Variants in ADGRG1 observed in about 807,000 individuals in gnomAD.
ADGRG1 encodes the protein 7-transmembrane protein with no EGF-like N-terminal domains-1.
A neutral mutation model predicts 73.5 loss-of-function variants in ADGRG1; 53 were observed. The ratio of observed to expected loss-of-function variants is 0.72; its 90% CI spans 0.58 to 0.91. ADGRG1 has a LOEUF of 0.91. ADGRG1 is among the 40% of genes least tolerant of loss of function. The pLI is 0.00. For missense variants in ADGRG1, 795 were observed against 871.8 expected (o/e 0.91, Z 1.11); for synonymous variants, 394 against 374.4 (o/e 1.05, Z -0.60).
In ADGRG1 at chr16:57,656,268, A is replaced by G. The variant is rs761718726; in HGVS notation, c.1060A>G (p.Thr354Ala). ...LQCVFWVEDP[T>A]LSSPGHWSSA... is the part of the protein sequence containing the mutation. ...ATGTGTGTTCTGGGTTGAAGACCCC[A>G]CATGTGAGTATGCAGGGGTCTCTGG... The change falls in exon 8 of 14, where the codon ACA (threonine) becomes GCA (alanine). Residue 354 changes from threonine to alanine, a missense_variant. By Grantham distance (58) the Thr-to-Ala change is moderately conservative (BLOSUM62 0). Transcript: ENST00000562631. The G allele has an allele frequency of 6.2e-7, 1 of 1,604,396 alleles. No individual in the cohort carries two copies. The highest frequency in any genetic ancestry group is 8.5e-7 in the Non-Finnish European group (1 of 1,174,694).
rs534576292 is a variant in ADGRG1, at chr16:57,655,759, G to A, written c.901-117G>A. The A allele has an allele frequency of 1.9e-5, 30 of 1,609,404 alleles. No homozygotes were observed. In the East Asian group the frequency reaches 6.2e-4, roughly 33 times the overall value. On this transcript the variant is annotated intron_variant, in intron 6 of 13. Transcript: ENST00000562631. ...AAAAGTGGTTCCAGAGGGAGACGCA[G>A]CATCTCAAGGCAATGTGCTGGGAGA...
chr16:57,651,111 T>A lies in ADGRG1; in HGVS notation c.65-89T>A, dbSNP rs776467281. On this transcript the variant is annotated intron_variant, in intron 2 of 13. Coordinates refer to ENST00000562631, the MANE Select transcript of ADGRG1 (RefSeq NM_201525.4). ...TGTGTGTGAATCTCAGGCTCCAGGTTCACATGTACTCAGCCTAGGTCCTGT... is the reference window on the plus strand; with the variant it reads ...TGTGTGTGAATCTCAGGCTCCAGGTACACATGTACTCAGCCTAGGTCCTGT... 18 of 1,604,588 alleles carry A rather than the reference T, an allele frequency of 1.1e-5. No homozygotes were observed. In the South Asian group the frequency reaches 2.0e-4, roughly 18 times the overall value.
intron 1 of ADGRG1, chr16:57,631,979 C>T (rs1167010977): frequency 1.0e-6 from 1 of 985,252 alleles, no homozygotes; most frequent in East Asian, 1.1e-4. Flanking sequence ...AGGAGGTCAG[C>T]TAAGCCCCAA....
chr16:57,659,886 A>T (rs1045355315), intron 11 of ADGRG1, among the ~76,000 whole-genome samples: 4 of 152,132 alleles, frequency 2.6e-5, no homozygotes, highest in Non-Finnish European at 2.9e-5. Flanking sequence ...AACACTTCCA[A>T]ATTCTCCACA....
chr16:57,635,262 C>A, intron 1 of ADGRG1: 2 of 985,050 alleles, frequency 2.0e-6, no homozygotes, highest in Non-Finnish European at 2.4e-6. Context: ...GCACAGCTTC[C>A]TCAAAGCTGT....
At chr16:57,651,899 C>T (rs2044194417) in intron 3 of ADGRG1, 8 of 1,397,662 alleles carry the variant, frequency 5.7e-6, no homozygotes, top group Non-Finnish European at 7.4e-6. Context: ...CGTCCTGAGG[C>T]TGCAGAGAAG....
chr16:57,624,114 A>C, upstream of ADGRG1: 1 of 669,940 alleles, frequency 1.5e-6, no homozygotes, highest in Non-Finnish European at 1.8e-6. Flanking sequence ...TTGAGCACCT[A>C]CTGTGTGCCT....
chr16:57,621,732 C>G (rs1314905680), intron 2 of ADGRG1: 6 of 345,430 alleles, frequency 1.7e-5, no homozygotes, highest in African/African-American at 1.3e-4. Context: ...CACCTGACAC[C>G]AGGCCTGGCA....
chr16:57,646,821 G>A (rs1353400238), intron 1 of ADGRG1: 1 of 826,888 alleles, frequency 1.2e-6, no homozygotes, highest in South Asian at 5.5e-5. Flanking sequence ...AGGGTTTGGT[G>A]TGATAACGTG....
Position 57,651,619 on chromosome 16 carries a change from C to A in ADGRG1, c.484C>A (p.His162Asn). 6.2e-7 allele frequency: 1 copy of A among 1,613,530 alleles called. No homozygotes were observed. Among genetic ancestry groups the A allele is most frequent in the Non-Finnish European group, 8.5e-7 (1 of 1,179,942 alleles). Reference protein sequence around the residue: ...PSAASFTFSFHSPPHTAAHNA... With the variant: ...PSAASFTFSFNSPPHTAAHNA... ...TGCCGCCAGCTTCACCTTCTCCTTC[C>A]ACAGTAAGGCAACTTCCAGGCGGAG... The change falls in exon 3 of 14, where the codon CAC (histidine) becomes AAC (asparagine). Residue 162 changes from histidine to asparagine, a missense_variant. Coordinates refer to ENST00000562631, the MANE Select transcript of ADGRG1 (RefSeq NM_201525.4).
rs575304745 is a variant in ADGRG1 at position 57,645,115 on chromosome 16, C to T, written c.-35-5138C>T. ...TCGCAGGAGTTCATCCTCACCCTGC[C>T]GCCCGACCCCCTGGGCCAAATCCTT... On this transcript the variant is annotated intron_variant, in intron 1 of 13. Coordinates refer to ENST00000562631, the MANE Select transcript of ADGRG1 (RefSeq NM_201525.4). 6.1e-6 allele frequency: 6 copies of T among 984,680 alleles called. No homozygotes were observed. In the East Asian group the frequency reaches 3.4e-4, roughly 56 times the overall value. 61.0% of individuals were successfully genotyped at this position (984,680 alleles called of 1,614,324 possible). A position where few individuals can be genotyped will look rare whatever the true frequency, so the allele number is the denominator to read the frequency against.
In ADGRG1 at chr16:57,664,256, G is replaced by T; in HGVS notation, c.*674G>T. 1 of 153,182 alleles carries T rather than the reference G, an allele frequency of 6.5e-6. No homozygotes were observed. The allele number at this position is 153,182 out of a possible 1,614,324, so 9.5% of individuals were successfully genotyped here. On this transcript the variant is annotated 3_prime_UTR_variant, in exon 14 of 14. Transcript: ENST00000562631. Reference sequence around the variant, plus strand: ...TCCTTGCTCCTTCGTTCACAGCTGGGGGTCCCCGATTCCAATGCTGTTTTT... The same window carrying T: ...TCCTTGCTCCTTCGTTCACAGCTGGTGGTCCCCGATTCCAATGCTGTTTTT...
intron 1 of ADGRG1, among the ~76,000 whole-genome samples, chr16:57,644,605 G>A (rs566117992): frequency 3.1e-5 from 4 of 128,762 alleles, no homozygotes; most frequent in Non-Finnish European, 4.8e-5. Context: ...CTCATGCAAG[G>A]GCACACACCC....
At position 57,655,053 on chromosome 16, in the gene ADGRG1, C is replaced by T. The variant is rs186090424; in HGVS notation, c.769-346C>T. The T allele has an allele frequency of 8.1e-4, 799 of 985,172 alleles. 23 individuals carry two copies. The Admixed American group carries it at 0.046, about 57-fold the overall frequency. 61.0% of individuals were successfully genotyped at this position (985,172 alleles called of 1,614,324 possible). On this transcript the variant is annotated intron_variant, in intron 5 of 13. Coordinates refer to ENST00000562631, the MANE Select transcript of ADGRG1 (RefSeq NM_201525.4). ...CATCTTGAGACTGCCCCCTGAGTGG[C>T]TCTGGTTAGCTGGGAACCACCCACA...
chr16:57,663,940 G>A lies in ADGRG1; in HGVS notation c.*358G>A. On this transcript the variant is annotated 3_prime_UTR_variant, in exon 14 of 14. Coordinates refer to ENST00000562631, the MANE Select transcript of ADGRG1 (RefSeq NM_201525.4). Reference sequence around the variant, plus strand: ...CCAGGCCTTGGATCTTGAGGGTCTGGCACATCCTTAATCCTGTGCCCCTGC... The same window carrying A: ...CCAGGCCTTGGATCTTGAGGGTCTGACACATCCTTAATCCTGTGCCCCTGC... 1 of 382,922 alleles carries A rather than the reference G, an allele frequency of 2.6e-6. No homozygotes were observed. Among genetic ancestry groups the A allele is most frequent in the Non-Finnish European group, 4.9e-6 (1 of 203,360 alleles). The allele number at this position is 382,922 out of a possible 1,614,324, so 23.7% of individuals were successfully genotyped here.
Position 57,661,897 on chromosome 16 carries a change from TCTC to T in ADGRG1, c.1868_1870del (p.Ser623del), listed in dbSNP as rs2047181842. On this transcript the variant is annotated inframe_deletion, in exon 13 of 14. Coordinates refer to ENST00000562631, the MANE Select transcript of ADGRG1 (RefSeq NM_201525.4). The stretch of plus-strand genomic sequence containing the variant: ...GGCCTGCCCTGGGCCTTGATCTTCT[TCTC>T]CTTTGCTTCTGGCACCTTCCAGCTT... 1 of 1,614,122 alleles carries T rather than the reference TCTC, an allele frequency of 6.2e-7. No homozygotes were observed. Among genetic ancestry groups the T allele is most frequent in the African/African-American group, 1.3e-5 (1 of 74,936 alleles).
rs2047991634 is a variant in ADGRG1, at chr16:57,665,008, C to T, written c.*1426C>T. On this transcript the variant is annotated 3_prime_UTR_variant, in exon 14 of 14. Transcript: ENST00000562631. ...AATCAAGAAGAAAAATAAAAATCAG[C>T]TGTTGTAATCACCTAGCAAACTGGC... 6.6e-6 allele frequency: 1 copy of T among 152,496 alleles called. No individual in the cohort carries two copies. The highest frequency in any genetic ancestry group is 2.1e-4 in the South Asian group (1 of 4,832). The allele number at this position is 152,496 out of a possible 1,614,324, so 9.4% of individuals were successfully genotyped here.
chr16:57,625,527 C>T (rs567548881), upstream of ADGRG1: 24 of 981,448 alleles, frequency 2.4e-5, no homozygotes, highest in East Asian at 2.3e-4. Context: ...AGGCCCCATC[C>T]GGACCCAACT....
At chr16:57,642,982 G>C (rs1434750344) in intron 1 of ADGRG1, 2 of 152,228 alleles carry the variant, frequency 1.3e-5, no homozygotes, top group Non-Finnish European at 2.9e-5. Context: ...CAAGTGCTTT[G>C]CAGGATGCCA....
Sources: gnomAD v4.1 joint callset for allele counts (sites outside exome capture counted in the v4.1 genomes callset) on GRCh38, gnomAD v4.1.1 for gene constraint, MANE v1.5 for transcripts, NCBI Gene and HGNC (gene_info 2026-07-23, HGNC 2026-07-21) for gene names.